FAM227B: variants seen among roughly 807,000 people sequenced by gnomAD.
FAM227B encodes family with sequence similarity 227 member B.
A neutral mutation model predicts 73.8 loss-of-function variants in FAM227B; 88 were observed. The observed-to-expected ratio is 1.19, with a 90% CI of 1.00 to 1.42. The LOEUF is 1.42. FAM227B is among the 40% of genes most tolerant of loss of function. The pLI is 0.00. For synonymous variants in FAM227B, 210 were observed against 190.5 expected (o/e 1.10, Z -0.84); for missense variants, 632 against 590.9 (o/e 1.07, Z -0.72).
intron 13 of FAM227B, among the ~76,000 whole-genome samples, chr15:49,346,710 C>T (rs914895341): frequency 3.3e-5 from 5 of 152,000 alleles, no homozygotes; most frequent in Non-Finnish European, 5.9e-5. Context: ...AGGCTTAAGG[C>T]GAAAGTGCCC....
chr15:49,575,133 A>C, intron 7 of FAM227B, 24 bp from the exon 8 acceptor site: 1 of 1,194,572 alleles, frequency 8.4e-7, no homozygotes, highest in Non-Finnish European at 1.2e-6. Flanking sequence ...CAAGAGAGAG[A>C]TGCATGGAGA....
At chr15:49,498,507 G>GAAACAGCCACTATAAC (rs1459043677) in intron 11 of FAM227B, among the ~76,000 whole-genome samples, 1 of 152,134 alleles carries the variant, frequency 6.6e-6, no homozygotes, top group East Asian at 1.9e-4. Context: ...TGAATTAAAA[G>GAAACAGCCACTATAAC]AAACAGCCAC....
chr15:49,380,840 C>T (rs2046481217), intron 11 of FAM227B, among the ~76,000 whole-genome samples: 1 of 152,050 alleles, frequency 6.6e-6, no homozygotes, highest in Non-Finnish European at 1.5e-5. Flanking sequence ...GAAATGTCGG[C>T]AGAAGCCCCT....
intron 5 of FAM227B, among the ~76,000 whole-genome samples, chr15:49,580,015 C>T (rs139037289): frequency 2.0e-5 from 3 of 152,218 alleles, no homozygotes; most frequent in African/African-American, 7.2e-5. Flanking sequence ...TGGAAGTTTT[C>T]AAGCAGCAGA....
chr15:49,560,826 C>G (rs1191339625), intron 9 of FAM227B, among the ~76,000 whole-genome samples: 1 of 152,080 alleles, frequency 6.6e-6, no homozygotes, highest in Admixed American at 6.5e-5. Context: ...GACAAGCAAT[C>G]ACTAAGGTAA....
intron 5 of FAM227B, among the ~76,000 whole-genome samples, chr15:49,586,024 G>C (rs2076139825): frequency 1.3e-5 from 2 of 151,852 alleles, no homozygotes; most frequent in Non-Finnish European, 2.9e-5. Context: ...ACTAGAAAAG[G>C]CTCTTTTTTA....
At chr15:49,499,867 G>C (rs985021940) in intron 11 of FAM227B, among the ~76,000 whole-genome samples, 4 of 152,046 alleles carry the variant, frequency 2.6e-5, no homozygotes, top group Non-Finnish European at 4.4e-5. Context: ...ATGAATTAGA[G>C]ACCTAAAAGT....
rs74678266 is a variant in FAM227B at position 49,335,381 on chromosome 15, A to G, written c.1349+38T>C. The G allele has an allele frequency of 1.2e-3, 1,562 of 1,344,130 alleles. 13 individuals are homozygous for G. The African/African-American group carries it at 0.02, about 17-fold the overall frequency. The allele number at this position is 1,344,130 out of a possible 1,614,324, so 83.3% of individuals were successfully genotyped here. On this transcript the variant is annotated intron_variant, in intron 14 of 15. Transcript: ENST00000299338. The stretch of plus-strand genomic sequence containing the variant: ...TGATTGTTTCCAGTTCTAAAAAAGT[A>G]TTATTTTATATTTAACAATAGTATA...
chr15:49,346,655 A>C (rs1387063753), intron 13 of FAM227B, among the ~76,000 whole-genome samples: 1 of 152,166 alleles, frequency 6.6e-6, no homozygotes, highest in Non-Finnish European at 1.5e-5. Flanking sequence ...TGTATCCCTT[A>C]GAGATAGTCT....
intron 11 of FAM227B, among the ~76,000 whole-genome samples, chr15:49,439,196 A>G (rs373117961): frequency 4.6e-4 from 70 of 151,522 alleles, no homozygotes; most frequent in African/African-American, 1.7e-3. Context: ...CCTCTTTGCT[A>G]TGTGGGCCTC....
intron 9 of FAM227B, among the ~76,000 whole-genome samples, chr15:49,557,822 A>G (rs1482645073): frequency 6.6e-6 from 1 of 152,192 alleles, no homozygotes; most frequent in Non-Finnish European, 1.5e-5. Flanking sequence ...TTGCAGAAGA[A>G]CCATTGAAGC....
chr15:49,443,522 G>A (rs1055295800), intron 11 of FAM227B, among the ~76,000 whole-genome samples: 5 of 151,218 alleles, frequency 3.3e-5, no homozygotes, highest in Non-Finnish European at 5.9e-5. Context: ...TGTTAATAAT[G>A]TAGATTAAAC....
chr15:49,370,077 A>G (rs188896362), intron 12 of FAM227B, among the ~76,000 whole-genome samples: 26 of 152,266 alleles, frequency 1.7e-4, no homozygotes, highest in Admixed American at 1.6e-3. Flanking sequence ...TCACCAGAAA[A>G]CCAAATTGGC....
chr15:49,591,381 CT>C (rs2076556559), intron 3 of FAM227B, among the ~76,000 whole-genome samples: 4 of 113,738 alleles, frequency 3.5e-5, no homozygotes, highest in Admixed American at 9.9e-5. Context: ...CCCTCCCTCC[CT>C]TCCCTCCCTC....
intron 11 of FAM227B, among the ~76,000 whole-genome samples, chr15:49,505,346 A>G (rs985534706): frequency 3.3e-5 from 5 of 152,156 alleles, no homozygotes; most frequent in African/African-American, 1.2e-4. Flanking sequence ...AGATTTATAC[A>G]TACGTCAAAA....
intron 11 of FAM227B, among the ~76,000 whole-genome samples, chr15:49,395,713 T>A (rs2047533254): frequency 6.6e-6 from 1 of 152,232 alleles, no homozygotes; most frequent in Non-Finnish European, 1.5e-5. Context: ...CTGAAGTCTC[T>A]ATGATGTCTT....
chr15:49,469,690 GA>G (rs1182267210), intron 11 of FAM227B, among the ~76,000 whole-genome samples: 1 of 152,080 alleles, frequency 6.6e-6, no homozygotes. Context: ...TCATTTGCAA[GA>G]ACTAATTAGC....
intron 11 of FAM227B, among the ~76,000 whole-genome samples, chr15:49,434,034 T>C (rs1026162754): frequency 6.6e-6 from 1 of 151,698 alleles, no homozygotes; most frequent in Admixed American, 6.6e-5. Flanking sequence ...GGCATATGCA[T>C]AGGAAGAGAG....
chr15:49,455,754 ACGTG>A (rs918949033), intron 11 of FAM227B, among the ~76,000 whole-genome samples: 1 of 152,156 alleles, frequency 6.6e-6, no homozygotes, highest in African/African-American at 2.4e-5. Context: ...AGAAAACAAA[ACGTG>A]CTCCACTTTG....
Sources: allele counts gnomAD v4.1 joint callset (sites outside exome capture counted in the v4.1 genomes callset), GRCh38; gene constraint gnomAD v4.1.1; transcripts MANE v1.5; gene names NCBI Gene and HGNC (gene_info 2026-07-23, HGNC 2026-07-21).